The following CDK14 variants were observed in gnomAD, a reference collection of about 807,000 sequenced individuals.
CDK14 encodes cyclin dependent kinase 14, also known as cyclin-dependent kinase 14.
Under a neutral mutation model 60.7 loss-of-function variants are expected in CDK14, and 34 were observed. The ratio of observed to expected loss-of-function variants is 0.56; its 90% confidence interval spans 0.43 to 0.75. The LOEUF (loss-of-function observed/expected upper bound fraction) is 0.75, where lower values mean the gene tolerates loss of function less well. Among genes scored for constraint, CDK14 ranks in the 30% least tolerant of loss-of-function variants. The pLI is 0.00. For missense variants in CDK14, 482 were observed against 564.1 expected, an observed-to-expected ratio of 0.85 and a Z score of 1.47; for synonymous variants, 197 against 203.7, an observed-to-expected ratio of 0.97 and a Z score of 0.28.
chr7:90,928,880 G>A (rs1434588323), intron 8 of CDK14, among the ~76,000 whole-genome samples: 2 of 152,204 alleles, frequency 1.3e-5, no homozygotes, highest in African/African-American at 4.8e-5. Context: ...CCCAGTTTGA[G>A]CTTCCTGGCT....
intron 2 of CDK14, among the ~76,000 whole-genome samples, chr7:90,720,631 T>C (rs73222509): frequency 0.17 from 25,698 of 152,226 alleles, 2,272 homozygotes; most frequent in Middle Eastern, 0.26. Context: ...AGAAGACATA[T>C]GTAAATGTAA....
At chr7:91,178,351 A>G (rs1205673898) in intron 14 of CDK14, among the ~76,000 whole-genome samples, 3 of 135,000 alleles carry the variant, frequency 2.2e-5, no homozygotes, top group Non-Finnish European at 4.8e-5. Flanking sequence ...CTAAAACCAT[A>G]AAAACCCTAG....
At chr7:90,921,201 T>C (rs944556812) in intron 8 of CDK14, among the ~76,000 whole-genome samples, 1 of 152,210 alleles carries the variant, frequency 6.6e-6, no homozygotes, top group African/African-American at 2.4e-5. Context: ...ACCACCTTGT[T>C]GCTCCTTGTA....
intron 5 of CDK14, among the ~76,000 whole-genome samples, chr7:90,810,172 G>C (rs554292158): frequency 5.3e-5 from 8 of 152,254 alleles, no homozygotes; most frequent in East Asian, 3.9e-4. Flanking sequence ...AACAAAAAAA[G>C]AGAATTTTAG....
At chr7:90,644,091 C>G (rs1413916987) in intron 2 of CDK14, among the ~76,000 whole-genome samples, 1 of 152,190 alleles carries the variant, frequency 6.6e-6, no homozygotes, top group East Asian at 1.9e-4. Context: ...AGAGAACTCT[C>G]TCTCCCTCTA....
chr7:91,184,552 A>G (rs975598244), intron 14 of CDK14, among the ~76,000 whole-genome samples: 1 of 152,180 alleles, frequency 6.6e-6, no homozygotes, highest in Non-Finnish European at 1.5e-5. Flanking sequence ...ATATCTTCTT[A>G]ATCAAAGACA....
At chr7:90,954,683 G>A (rs1256626247) in intron 8 of CDK14, among the ~76,000 whole-genome samples, 1 of 2,316 alleles carries the variant, frequency 4.3e-4, no homozygotes, top group East Asian at 6.6e-3. Context: ...GGAGTGCAGT[G>A]GCGGGATCTC....
rs1191799153 is a variant in CDK14, at chr7:90,857,040, AG to A, written c.545-6133del. On this transcript the variant is annotated intron_variant, in intron 5 of 14. Coordinates refer to ENST00000380050, the MANE Select transcript of CDK14 (RefSeq NM_001287135.2). ...TCTTTGTAATCTCTTTTTTCCTAGT[AG>A]GACATCAAATAATGATCTAGAAAAT... Among the ~76,000 whole-genome samples the A allele has an allele frequency of 3.9e-5, 6 of 152,222 alleles. No homozygotes were observed. In the East Asian group the frequency reaches 1.2e-3, roughly 29 times the overall value.
chr7:91,088,294 A>G (rs1433319872), intron 12 of CDK14, among the ~76,000 whole-genome samples: 1 of 152,228 alleles, frequency 6.6e-6, no homozygotes, highest in African/African-American at 2.4e-5. Flanking sequence ...TTTTTCTTTT[A>G]GACACTGAGC....
At chr7:90,759,260 C>T (rs1804217027) in intron 4 of CDK14, among the ~76,000 whole-genome samples, 1 of 152,140 alleles carries the variant, frequency 6.6e-6, no homozygotes, top group South Asian at 2.1e-4. Flanking sequence ...ATCCTTGGCA[C>T]TGTTCCCTTT....
chr7:90,677,942 G>T (rs1350117831), intron 2 of CDK14, among the ~76,000 whole-genome samples: 3 of 152,212 alleles, frequency 2.0e-5, no homozygotes, highest in Admixed American at 2.0e-4. Flanking sequence ...GGTGCCAGCT[G>T]TGTGGCTGAC....
intron 5 of CDK14, among the ~76,000 whole-genome samples, chr7:90,860,016 A>G (rs913925134): frequency 2.0e-4 from 31 of 152,330 alleles, no homozygotes; most frequent in Non-Finnish European, 3.2e-4. Context: ...ATGTAATGGT[A>G]AAGAGGAAAC....
chr7:90,700,910 G>C (rs1363746086), intron 2 of CDK14, among the ~76,000 whole-genome samples: 2 of 152,074 alleles, frequency 1.3e-5, no homozygotes, highest in Non-Finnish European at 2.9e-5. Flanking sequence ...CTCCTGTAGT[G>C]ATTAATACAA....
chr7:90,944,733 A>T (rs1201121181), intron 8 of CDK14, among the ~76,000 whole-genome samples: 1 of 152,192 alleles, frequency 6.6e-6, no homozygotes, highest in East Asian at 1.9e-4. Context: ...TCCTTTCTCA[A>T]AAAAGGAAAA....
intron 11 of CDK14, among the ~76,000 whole-genome samples, chr7:91,076,842 CA>C (rs1798332896): frequency 6.6e-6 from 1 of 151,926 alleles, no homozygotes; most frequent in Admixed American, 6.6e-5. Flanking sequence ...GCAAAGGATA[CA>C]AACAGAAATT....
rs16868041 is a variant in CDK14, at chr7:90,916,382, T to C, written c.703-1219T>C. Among the ~76,000 whole-genome samples, 193 of 152,336 alleles carry C rather than the reference T, an allele frequency of 1.3e-3. 3 individuals carry two copies. The East Asian group carries it at 0.029, about 23-fold the overall frequency. ...GCTGCCTAGACTCTCGAAATAATCATCTCAAGCCTTTACTGCCCCATACAT... is the reference window on the plus strand; with the variant it reads ...GCTGCCTAGACTCTCGAAATAATCACCTCAAGCCTTTACTGCCCCATACAT... On this transcript the variant is annotated intron_variant, in intron 7 of 14. Transcript: ENST00000380050.
chr7:91,079,537 C>T, intron 12 of CDK14, 57 bp downstream of exon 12: 1 of 1,202,096 alleles, frequency 8.3e-7, no homozygotes. Flanking sequence ...ATATTTACAA[C>T]TCTTCTCATA....
intron 7 of CDK14, among the ~76,000 whole-genome samples, chr7:90,916,481 C>G (rs1562826927): frequency 6.6e-6 from 1 of 152,168 alleles, no homozygotes; most frequent in African/African-American, 2.4e-5. Context: ...ATGAAATTCA[C>G]TTGGCTTTCA....
At chr7:91,026,729 G>C (rs1282090872) in intron 10 of CDK14, among the ~76,000 whole-genome samples, 1 of 152,140 alleles carries the variant, frequency 6.6e-6, no homozygotes, top group Non-Finnish European at 1.5e-5. Context: ...ATATATGTCT[G>C]CGTAAATCAG....
Sources: allele counts gnomAD v4.1 joint callset (sites outside exome capture counted in the v4.1 genomes callset), GRCh38; gene constraint gnomAD v4.1.1; transcripts MANE v1.5; gene names NCBI Gene and HGNC (gene_info 2026-07-23, HGNC 2026-07-21).